FER: variants seen among roughly 807,000 people sequenced by gnomAD.
FER encodes the protein tyrosine-protein kinase Fer.
In FER, 63 loss-of-function variants were observed where a neutral mutation model predicts 111.0. The ratio of observed to expected loss-of-function variants is 0.57; its 90% CI spans 0.46 to 0.70. The LOEUF is 0.70. Among genes scored for constraint, FER ranks in the 30% least tolerant of loss-of-function variants. FER has a pLI of 0.00. For synonymous variants in FER, 327 were observed against 313.9 expected (o/e 1.04, Z -0.44); for missense variants, 914 against 954.0 (o/e 0.96, Z 0.55).
At chr5:108,809,373 T>C (rs891903377) in intron 3 of FER, among the ~76,000 whole-genome samples, 1 of 152,216 alleles carries the variant, frequency 6.6e-6, no homozygotes, top group African/African-American at 2.4e-5. Flanking sequence ...TCTGAAGCTT[T>C]CAGTTGTCTT....
chr5:108,901,646 A>G (rs1255046251), intron 10 of FER, among the ~76,000 whole-genome samples: 1 of 152,152 alleles, frequency 6.6e-6, no homozygotes, highest in Admixed American at 6.5e-5. Context: ...AAACCTTAAT[A>G]TTATTTAAAA....
intron 17 of FER, among the ~76,000 whole-genome samples, chr5:109,130,979 A>G (rs1464598127): frequency 6.6e-6 from 1 of 152,198 alleles, no homozygotes. Context: ...TTTCATTTAT[A>G]TACTCATCTC....
chr5:108,874,528 G>A (rs1485253939), intron 8 of FER, among the ~76,000 whole-genome samples: 2 of 151,858 alleles, frequency 1.3e-5, no homozygotes, highest in South Asian at 2.1e-4. Flanking sequence ...CAGCATCTCT[G>A]TTGGCACTTT....
intron 16 of FER, among the ~76,000 whole-genome samples, chr5:109,075,985 TG>T (rs1039111586): frequency 2.0e-5 from 3 of 150,998 alleles, no homozygotes; most frequent in Admixed American, 2.0e-4. Flanking sequence ...AAAAGAAAAA[TG>T]AAAAAAAAAA....
intron 17 of FER, among the ~76,000 whole-genome samples, chr5:109,159,628 G>C (rs1002982718): frequency 1.3e-5 from 2 of 152,172 alleles, no homozygotes; most frequent in Non-Finnish European, 2.9e-5. Context: ...CAGTACTAAA[G>C]GACTTCTTTA....
Position 108,867,750 on chromosome 5 carries a change from GT to G in FER, c.482-4del, listed in dbSNP as rs34195313. 0.071 allele frequency: 105,647 copies of G among 1,488,318 alleles called. 931 individuals are homozygous for G. The highest frequency in any genetic ancestry group is 0.17 in the African/African-American group (11,823 of 67,662). 92.2% of individuals were successfully genotyped at this position (1,488,318 alleles called of 1,614,324 possible). On this transcript the variant is annotated splice_polypyrimidine_tract_variant and intron_variant, in intron 5 of 19. Coordinates refer to ENST00000281092, the MANE Select transcript of FER (RefSeq NM_005246.4). ...CTTATCTCTTTACTAACTTTCTTCA[GT>G]TTTTTTTTTTTTCAGGGAAGGAAAC...
In FER at chr5:108,897,987, G is replaced by A. The variant is rs1749401184; in HGVS notation, c.1236+139G>A. On this transcript the variant is annotated intron_variant, in intron 10 of 19. Transcript: ENST00000281092. ...GGTCCTATTAAACTTGTTTGTAAATGCAAAATAGACTTGTCAGTCACCTCA... is the reference window on the plus strand; with the variant it reads ...GGTCCTATTAAACTTGTTTGTAAATACAAAATAGACTTGTCAGTCACCTCA... The A allele has an allele frequency of 1.4e-5, 11 of 764,618 alleles. No homozygotes were observed. In the South Asian group the frequency reaches 2.9e-4, roughly 20 times the overall value. 47.4% of individuals were successfully genotyped at this position (764,618 alleles called of 1,614,324 possible). A position where few individuals can be genotyped will look rare whatever the true frequency, so the allele number is the denominator to read the frequency against.
At chr5:109,092,410 A>G (rs561428548) in intron 16 of FER, among the ~76,000 whole-genome samples, 1 of 151,942 alleles carries the variant, frequency 6.6e-6, no homozygotes, top group Non-Finnish European at 1.5e-5. Context: ...AATTCCTGCA[A>G]CTCAACAACA....
At chr5:109,052,134 C>G in intron 16 of FER, 1 of 1,605,314 alleles carries the variant, frequency 6.2e-7, no homozygotes, top group Non-Finnish European at 8.5e-7. Flanking sequence ...CCTCCTCTTT[C>G]TTGTTCAGTT....
intron 3 of FER, among the ~76,000 whole-genome samples, chr5:108,800,964 G>A (rs1042632322): frequency 1.9e-4 from 29 of 152,090 alleles, no homozygotes; most frequent in East Asian, 5.8e-4. Context: ...GGAGAATGGC[G>A]TGAACCCGGG....
chr5:108,941,734 C>T (rs912578318), intron 10 of FER, among the ~76,000 whole-genome samples: 1 of 152,130 alleles, frequency 6.6e-6, no homozygotes, highest in African/African-American at 2.4e-5. Context: ...AGATGCTCAT[C>T]AGGAAGCTGG....
At chr5:109,038,658 C>T (rs1474262375) in intron 14 of FER, among the ~76,000 whole-genome samples, 1 of 151,888 alleles carries the variant, frequency 6.6e-6, no homozygotes, top group African/African-American at 2.4e-5. Context: ...TTTATTTCCT[C>T]ATCCTTAAGG....
chr5:109,015,101 A>T (rs565757633), intron 13 of FER, among the ~76,000 whole-genome samples: 1 of 152,058 alleles, frequency 6.6e-6, no homozygotes, highest in Non-Finnish European at 1.5e-5. Context: ...TTTGTGTTTG[A>T]CAGTTAACAT....
At chr5:108,911,655 G>A (rs1751565964) in intron 10 of FER, among the ~76,000 whole-genome samples, 1 of 152,080 alleles carries the variant, frequency 6.6e-6, no homozygotes, top group South Asian at 2.1e-4. Context: ...GTGAGAGATA[G>A]GGGTCTAGTT....
chr5:109,058,086 A>C (rs1229120302), intron 16 of FER, among the ~76,000 whole-genome samples: 1 of 152,164 alleles, frequency 6.6e-6, no homozygotes, highest in Non-Finnish European at 1.5e-5. Flanking sequence ...ATAATTAATC[A>C]TATAGATAAA....
chr5:109,066,932 T>C (rs1775163620), intron 16 of FER, among the ~76,000 whole-genome samples: 1 of 152,208 alleles, frequency 6.6e-6, no homozygotes, highest in Admixed American at 6.5e-5. Flanking sequence ...GTGGAATCTA[T>C]TTTGTTTTAG....
chr5:108,838,742 A>G (rs1760929075), intron 5 of FER, among the ~76,000 whole-genome samples: 1 of 152,240 alleles, frequency 6.6e-6, no homozygotes, highest in Admixed American at 6.5e-5. Context: ...TTAATTTTCT[A>G]AAAATTAAAT....
chr5:109,033,722 T>C (rs1769969317), intron 13 of FER, among the ~76,000 whole-genome samples: 1 of 152,182 alleles, frequency 6.6e-6, no homozygotes, highest in Non-Finnish European at 1.5e-5. Flanking sequence ...AGTTTGCCTC[T>C]CTATCAACAC....
At chr5:109,172,666 G>A (rs1757269919) in intron 17 of FER, among the ~76,000 whole-genome samples, 1 of 151,986 alleles carries the variant, frequency 6.6e-6, no homozygotes, top group African/African-American at 2.4e-5. Flanking sequence ...TTTTTTATAT[G>A]TTTCTGTGAA....
Sources: gnomAD v4.1 joint callset for allele counts (sites outside exome capture counted in the v4.1 genomes callset) on GRCh38, gnomAD v4.1.1 for gene constraint, MANE v1.5 for transcripts, NCBI Gene and HGNC (gene_info 2026-07-23, HGNC 2026-07-21) for gene names.